SLAIN2: variants seen among roughly 807,000 people sequenced by gnomAD.
The protein encoded by SLAIN2 is SLAIN motif-containing protein 2.
In SLAIN2, 31 loss-of-function variants were observed where a neutral mutation model predicts 56.6. The ratio of observed to expected loss-of-function variants is 0.55; its 90% confidence interval spans 0.41 to 0.74. SLAIN2 has a LOEUF of 0.74. SLAIN2 is among the 30% of genes least tolerant of loss of function. The pLI is 0.00. For missense variants in SLAIN2, 777 were observed against 754.2 expected (o/e 1.03, Z -0.35); for synonymous variants, 317 against 284.9 (o/e 1.11, Z -1.13).
intron 6 of SLAIN2, among the ~76,000 whole-genome samples, chr4:48,398,001 T>C (rs1716453591): frequency 6.6e-6 from 1 of 152,190 alleles, no homozygotes; most frequent in African/African-American, 2.4e-5. Context: ...ATAGAATGAT[T>C]TATATTCCTT....
At chr4:48,369,498 CCTT>C (rs1715610475) in intron 1 of SLAIN2, among the ~76,000 whole-genome samples, 3 of 152,094 alleles carry the variant, frequency 2.0e-5, no homozygotes, top group Admixed American at 6.5e-5. Context: ...GAATTTAGCT[CCTT>C]CTTCTGCTTC....
At chr4:48,371,400 C>A (rs1337698603) in intron 2 of SLAIN2, among the ~76,000 whole-genome samples, 2 of 152,050 alleles carry the variant, frequency 1.3e-5, no homozygotes, top group East Asian at 3.9e-4. Context: ...AAAGCAATAG[C>A]CTTTATGTGA....
rs1462616899 is a variant in SLAIN2, at chr4:48,363,437, G to C, written c.390-6412G>C. Among the ~76,000 whole-genome samples, 3 of 65,618 alleles carry C rather than the reference G, an allele frequency of 4.6e-5. 1 individual carries two copies. The highest frequency in any genetic ancestry group is 1.1e-4 in the Non-Finnish European group (3 of 26,684). 43.0% of individuals were successfully genotyped at this position (65,618 alleles called of 152,430 possible). A position where few individuals can be genotyped will look rare whatever the true frequency, so the allele number is the denominator to read the frequency against. The stretch of plus-strand genomic sequence containing the variant: ...TCCCGGACGGGGCGGCTGGCCGGGC[G>C]GGGGGCTGACACCCCCACCTACCTC... On this transcript the variant is annotated intron_variant, in intron 1 of 7. Transcript: ENST00000264313.
intron 6 of SLAIN2, among the ~76,000 whole-genome samples, chr4:48,399,575 T>C (rs1293780412): frequency 6.6e-6 from 1 of 152,200 alleles, no homozygotes; most frequent in African/African-American, 2.4e-5. Context: ...CATCGTGGTC[T>C]TGTGCTGCTT....
In SLAIN2 at chr4:48,408,627, G is replaced by T. The variant is rs1042938619; in HGVS notation, c.1361-11498G>T. Among the ~76,000 whole-genome samples the T allele has an allele frequency of 4.0e-5, 6 of 151,684 alleles. No homozygotes were observed. The South Asian group carries it at 1.2e-3, about 32-fold the overall frequency. ...GATATAAAGAAAGAAAATATTTTTGGACAGCTGTACAACATGTTTGTGTTA... is the reference window on the plus strand; with the variant it reads ...GATATAAAGAAAGAAAATATTTTTGTACAGCTGTACAACATGTTTGTGTTA... On this transcript the variant is annotated intron_variant, in intron 6 of 7. Transcript: ENST00000264313.
intron 1 of SLAIN2, among the ~76,000 whole-genome samples, chr4:48,366,605 AT>A: frequency 6.6e-6 from 1 of 151,892 alleles, no homozygotes; most frequent in African/African-American, 2.4e-5. Flanking sequence ...TCATGGTCTT[AT>A]TTTTTCCCAT....
In SLAIN2 at chr4:48,376,144, G is replaced by T. The variant is rs144871344; in HGVS notation, c.539-1752G>T. ...GCCAGTGCTCATAAATATTGAATAA[G>T]CTGTGGATATTAGAATATGAAGGAA... On this transcript the variant is annotated intron_variant, in intron 2 of 7. Coordinates refer to ENST00000264313, the MANE Select transcript of SLAIN2 (RefSeq NM_020846.2). Among the ~76,000 whole-genome samples the T allele has an allele frequency of 2.8e-3, 433 of 152,306 alleles. 3 individuals carry two copies. Among genetic ancestry groups the T allele is most frequent in the African/African-American group, 1.0e-2 (415 of 41,564 alleles).
chr4:48,381,051 G>T (rs928237729), intron 4 of SLAIN2, among the ~76,000 whole-genome samples: 1 of 152,070 alleles, frequency 6.6e-6, no homozygotes, highest in South Asian at 2.1e-4. Flanking sequence ...TGAGACTGTG[G>T]TATTGTCAGC....
chr4:48,392,476 GTGTGGACTGTGA>G (rs1489079189), intron 6 of SLAIN2, among the ~76,000 whole-genome samples: 3 of 152,134 alleles, frequency 2.0e-5, no homozygotes, highest in African/African-American at 7.2e-5. Flanking sequence ...ATGGTTAACA[GTGTGGACTGTGA>G]TGTGGACTGT....
At chr4:48,412,662 G>A (rs1381657631) in intron 6 of SLAIN2, among the ~76,000 whole-genome samples, 2 of 152,156 alleles carry the variant, frequency 1.3e-5, no homozygotes, top group African/African-American at 4.8e-5. Flanking sequence ...ATTTATGGAA[G>A]AAAAGGTATT....
At position 48,377,916 on chromosome 4, in the gene SLAIN2, TATA is replaced by T; in HGVS notation, c.565_567del (p.Asn189del). The T allele has an allele frequency of 6.2e-7, 1 of 1,613,602 alleles. No homozygotes were observed. The highest frequency in any genetic ancestry group is 8.5e-7 in the Non-Finnish European group (1 of 1,179,802). On this transcript the variant is annotated inframe_deletion, in exon 3 of 8. Transcript: ENST00000264313. The stretch of plus-strand genomic sequence containing the variant: ...TGCAGCTCTCAAGAGGCAGAATTTA[TATA>T]ATAATCCTTTCAACTCTATGAGTTA...
intron 1 of SLAIN2, among the ~76,000 whole-genome samples, chr4:48,358,669 T>C (rs560512282): frequency 1.3e-5 from 2 of 152,196 alleles, no homozygotes; most frequent in African/African-American, 4.8e-5. Flanking sequence ...TTTAGAATTA[T>C]TAAATTATAT....
intron 1 of SLAIN2, among the ~76,000 whole-genome samples, chr4:48,346,552 A>G (rs767494196): frequency 6.6e-6 from 1 of 152,178 alleles, no homozygotes; most frequent in Non-Finnish European, 1.5e-5. Context: ...GATTTATTGT[A>G]TGACCTCTTT....
At chr4:48,363,981 C>A (rs1715431581) in intron 1 of SLAIN2, among the ~76,000 whole-genome samples, 1 of 129,482 alleles carries the variant, frequency 7.7e-6, no homozygotes, top group Admixed American at 7.2e-5. Flanking sequence ...GGCTGACCCC[C>A]CCCACCTCCC....
intron 1 of SLAIN2, among the ~76,000 whole-genome samples, chr4:48,363,680 C>T (rs1715405406): frequency 8.8e-6 from 1 of 114,248 alleles, no homozygotes; most frequent in Non-Finnish European, 1.9e-5. Flanking sequence ...TCCTCACTTC[C>T]CAGTAGGGGC....
At chr4:48,349,263 C>T (rs1714948763) in intron 1 of SLAIN2, among the ~76,000 whole-genome samples, 1 of 152,172 alleles carries the variant, frequency 6.6e-6, no homozygotes, top group African/African-American at 2.4e-5. Context: ...GCATATTCAT[C>T]TTTATGTTTC....
chr4:48,364,978 G>GT (rs951595419), intron 1 of SLAIN2, among the ~76,000 whole-genome samples: 9 of 151,986 alleles, frequency 5.9e-5, no homozygotes, highest in East Asian at 1.9e-4. Context: ...AGTTTTTAGA[G>GT]TTTTTTTGGT....
chr4:48,420,550 G>A, intron 7 of SLAIN2, 107 bp downstream of exon 7: 1 of 1,273,868 alleles, frequency 7.9e-7, no homozygotes, highest in South Asian at 1.4e-5. Context: ...AAGTCATGGT[G>A]GATTCCCACC....
At chr4:48,347,765 C>T (rs147036537) in intron 1 of SLAIN2, among the ~76,000 whole-genome samples, 1 of 152,306 alleles carries the variant, frequency 6.6e-6, no homozygotes, top group Non-Finnish European at 1.5e-5. Context: ...TAAACAGTTT[C>T]CCTGTTTCCA....
Sources: gnomAD v4.1 joint callset for allele counts (sites outside exome capture counted in the v4.1 genomes callset) on GRCh38, gnomAD v4.1.1 for gene constraint, MANE v1.5 for transcripts, NCBI Gene and HGNC (gene_info 2026-07-23, HGNC 2026-07-21) for gene names.